ATP8A1: variants seen among roughly 807,000 people sequenced by gnomAD.
ATP8A1 encodes ATPase phospholipid transporting 8A1, also known as phospholipid-transporting ATPase IA.
A neutral mutation model predicts 177.7 loss-of-function variants in ATP8A1; 90 were observed. The observed-to-expected ratio is 0.51, with a 90% CI of 0.43 to 0.60. ATP8A1 has a LOEUF of 0.60. Among genes scored for constraint, ATP8A1 ranks in the 20% least tolerant of loss-of-function variants. The pLI is 0.00. For synonymous variants in ATP8A1, 493 were observed against 485.9 expected, an observed-to-expected ratio of 1.01 and a Z score of -0.19; for missense variants, 1,072 against 1,392.8, an observed-to-expected ratio of 0.77 and a Z score of 3.67.
intron 33 of ATP8A1, among the ~76,000 whole-genome samples, chr4:42,428,941 T>C (rs560780419): frequency 5.9e-5 from 9 of 152,304 alleles, no homozygotes; most frequent in African/African-American, 2.2e-4. Flanking sequence ...CTATCACCCA[T>C]TTTCTAGTTG....
rs1019800296 is a variant in ATP8A1, at chr4:42,656,950, T to C, written c.-77A>G. The C allele has an allele frequency of 8.0e-6, 11 of 1,372,592 alleles. No individual in the cohort carries two copies. The highest frequency in any genetic ancestry group is 1.5e-5 in the African/African-American group (1 of 67,082). The allele number at this position is 1,372,592 out of a possible 1,614,324, so 85.0% of individuals were successfully genotyped here. A position where few individuals can be genotyped will look rare whatever the true frequency, so the allele number is the denominator to read the frequency against. On this transcript the variant is annotated 5_prime_UTR_variant, in exon 1 of 37. Coordinates refer to ENST00000381668, the MANE Select transcript of ATP8A1 (RefSeq NM_006095.2). The stretch of plus-strand genomic sequence containing the variant: ...GCGTGGTACACGCGGGAGACCCGGC[T>C]GCGCCGCGCAGAGCGCTCAGCTGCA...
At chr4:42,543,151 C>A (rs1034510169) in intron 20 of ATP8A1, among the ~76,000 whole-genome samples, 1 of 151,946 alleles carries the variant, frequency 6.6e-6, no homozygotes, top group African/African-American at 2.4e-5. Context: ...GTCTTTAAAC[C>A]AAGGCATTTA....
At chr4:42,562,116 T>C (rs1730896449) in intron 15 of ATP8A1, 2 of 152,218 alleles carry the variant, frequency 1.3e-5, no homozygotes, top group Admixed American at 6.5e-5. Context: ...GCTGATGATA[T>C]CTCCTATTTG....
At position 42,423,674 on chromosome 4, in the gene ATP8A1, C is replaced by CA; in HGVS notation, c.3154dup (p.Trp1052LeufsTer15). 5 of 1,612,622 alleles carry CA rather than the reference C, an allele frequency of 3.1e-6. No homozygotes were observed. The highest frequency in any genetic ancestry group is 3.4e-6 in the Non-Finnish European group (4 of 1,179,438). On this transcript the variant is annotated frameshift_variant, in exon 34 of 37. Coordinates refer to ENST00000381668, the MANE Select transcript of ATP8A1 (RefSeq NM_006095.2). LOFTEE classifies it high-confidence loss of function. ...CACAGGGATGAATAACAAGCCCATC[C>CA]AAAAGACTCCAGAACTGAACAACAT...
intron 11 of ATP8A1, 133 bp from the exon 12 acceptor site, chr4:42,578,520 T>C: frequency 2.1e-6 from 2 of 955,552 alleles, no homozygotes; most frequent in Non-Finnish European, 3.1e-6. Flanking sequence ...TTGCTGATAA[T>C]CTATCCTAAT....
Position 42,412,833 on chromosome 4 carries a change from C to A in ATP8A1, c.*83G>T. The A allele has an allele frequency of 8.7e-7, 1 of 1,145,500 alleles. No homozygotes were observed. Among genetic ancestry groups the A allele is most frequent in the Non-Finnish European group, 1.3e-6 (1 of 771,008 alleles). The allele number at this position is 1,145,500 out of a possible 1,614,324, so 71.0% of individuals were successfully genotyped here. A position where few individuals can be genotyped will look rare whatever the true frequency, so the allele number is the denominator to read the frequency against. On this transcript the variant is annotated 3_prime_UTR_variant, in exon 37 of 37. Coordinates refer to ENST00000381668, the MANE Select transcript of ATP8A1 (RefSeq NM_006095.2). The stretch of plus-strand genomic sequence containing the variant: ...CTACCTTTCCTCTTCATGGACCAGA[C>A]TGGAATTGGTTAGCAGACTGCGGTG...
At chr4:42,517,670 A>C (rs73235593) in intron 22 of ATP8A1, among the ~76,000 whole-genome samples, 21,106 of 152,266 alleles carry the variant, frequency 0.14, 1,828 homozygotes, top group East Asian at 0.25. Flanking sequence ...TAGTAACAGC[A>C]AAAGAAAAAA....
rs114187459 is a variant in ATP8A1, at chr4:42,543,985, C to T, written c.1654G>A (p.Ala552Thr). 1.7e-5 allele frequency: 28 copies of T among 1,613,000 alleles called. No individual in the cohort carries two copies. Among genetic ancestry groups the T allele is most frequent in the Non-Finnish European group, 1.6e-5 (19 of 1,179,404 alleles). Residue 552 changes from alanine to threonine, a missense_variant and splice_region_variant, in exon 20 of 37, where the codon GCT becomes ACT. This residue lies in a region of ATP8A1 where 388 missense variants were observed against 471.7 expected (regional missense o/e 0.82). Coordinates refer to ENST00000381668, the MANE Select transcript of ATP8A1 (RefSeq NM_006095.2). Reference protein sequence around the residue: ...ELLNVLEFTSARKRMSVIVRT... With the variant: ...ELLNVLEFTSTRKRMSVIVRT... ...ACAATCACTGACATTCTTTTCCTAG[C>T]ACTGAAAGAAAGAGGTTTTGCATAA...
rs191030054 is a variant in ATP8A1, at chr4:42,601,117, C to G, written c.410-599G>C. 5.5e-3 allele frequency among the ~76,000 whole-genome samples: 774 copies of G among 141,098 alleles called. 11 individuals carry two copies. Among genetic ancestry groups the G allele is most frequent in the African/African-American group, 0.019 (719 of 37,960 alleles). 92.6% of individuals were successfully genotyped at this position (141,098 alleles called of 152,430 possible). A position where few individuals can be genotyped will look rare whatever the true frequency, so the allele number is the denominator to read the frequency against. ...ATGGCACAATCTTGGCTCACTGCAA[C>G]CTCCGCCTCCCAGGTTCAAGCCATT... On this transcript the variant is annotated intron_variant, in intron 5 of 36. Transcript: ENST00000381668.
chr4:42,528,196 TA>T, intron 20 of ATP8A1, among the ~76,000 whole-genome samples: 1 of 152,286 alleles, frequency 6.6e-6, no homozygotes, highest in Admixed American at 6.5e-5. Flanking sequence ...CCAGAATGCA[TA>T]ATTGGCATAG....
At chr4:42,475,008 C>T (rs1440560802) in intron 25 of ATP8A1, among the ~76,000 whole-genome samples, 2 of 152,130 alleles carry the variant, frequency 1.3e-5, no homozygotes, top group Non-Finnish European at 2.9e-5. Context: ...TGTTTATTTG[C>T]ACCCAACACA....
chr4:42,414,656 C>A lies in ATP8A1; in HGVS notation c.3368G>T (p.Arg1123Leu). 2 of 1,613,802 alleles carry A rather than the reference C, an allele frequency of 1.2e-6. No individual in the cohort carries two copies. Among genetic ancestry groups the A allele is most frequent in the Non-Finnish European group, 1.7e-6 (2 of 1,179,800 alleles). ...CAGATTTTGTTGCAAGGATTCAGAG[C>A]GGTACAAGTTCACGTGGTTCTTCTT... ...VFKKNHVNLY[R>L]SESLQQNLLH... Residue 1123 changes from arginine (R) to leucine (L), a missense_variant, in exon 36 of 37, where the codon CGC becomes CTC. Around this residue, in one of 5 missense-constraint regions of ATP8A1, gnomAD observed 316 missense variants for 459.1 expected, o/e 0.69. Coordinates refer to ENST00000381668, the MANE Select transcript of ATP8A1 (RefSeq NM_006095.2).
At chr4:42,428,535 G>C (rs1001789307) in intron 33 of ATP8A1, among the ~76,000 whole-genome samples, 3 of 152,182 alleles carry the variant, frequency 2.0e-5, no homozygotes, top group African/African-American at 7.2e-5. Context: ...GCTTATCCCA[G>C]TCCAAATAAT....
chr4:42,459,637 AAAG>A lies in ATP8A1; in HGVS notation c.2620-4041_2620-4039del, dbSNP rs534990447. Reference sequence around the variant, plus strand: ...AGAACTACACATTTATATAAACAACAAAGAATATTTTTTTGAATCTTATAAACT... The same window carrying A: ...AGAACTACACATTTATATAAACAACAAATATTTTTTTGAATCTTATAAACT... On this transcript the variant is annotated intron_variant, in intron 27 of 36. Coordinates refer to ENST00000381668, the MANE Select transcript of ATP8A1 (RefSeq NM_006095.2). 8.7e-5 allele frequency: 16 copies of A among 183,638 alleles called. No individual in the cohort carries two copies. The Admixed American group carries it at 9.1e-4, about 10-fold the overall frequency. 11.4% of individuals were successfully genotyped at this position (183,638 alleles called of 1,614,324 possible). A position where few individuals can be genotyped will look rare whatever the true frequency, so the allele number is the denominator to read the frequency against.
At chr4:42,512,894 T>C (rs1042723232) in intron 22 of ATP8A1, among the ~76,000 whole-genome samples, 6 of 152,200 alleles carry the variant, frequency 3.9e-5, no homozygotes, top group Non-Finnish European at 7.3e-5. Context: ...TAGCTTTCTC[T>C]GTAAAAGGAC....
At chr4:42,584,274 G>A (rs1294839456) in intron 9 of ATP8A1, among the ~76,000 whole-genome samples, 1 of 152,088 alleles carries the variant, frequency 6.6e-6, no homozygotes, top group African/African-American at 2.4e-5. Flanking sequence ...GAATGGAGGA[G>A]GAGAAAAGAG....
intron 30 of ATP8A1, among the ~76,000 whole-genome samples, chr4:42,447,306 C>T (rs571355059): frequency 2.5e-4 from 38 of 152,194 alleles, no homozygotes; most frequent in African/African-American, 6.5e-4. Context: ...CCTCAGCCTC[C>T]GGAGTAGCTG....
rs527446245 is a variant in ATP8A1, at chr4:42,482,674, C to G, written c.2324+2822G>C. ...GGCAAACACTAAAATCTGCCTCATT[C>G]TGCCCTGTATGCTGATAGTATCTGG... On this transcript the variant is annotated intron_variant, in intron 25 of 36. Transcript: ENST00000381668. Among the ~76,000 whole-genome samples the G allele has an allele frequency of 8.5e-5, 13 of 152,346 alleles. No individual in the cohort carries two copies. The East Asian group carries it at 1.4e-3, about 16-fold the overall frequency.
intron 5 of ATP8A1, among the ~76,000 whole-genome samples, chr4:42,612,235 T>C (rs1736440392): frequency 6.6e-6 from 1 of 151,994 alleles, no homozygotes; most frequent in Non-Finnish European, 1.5e-5. Context: ...GAAGGCTTCT[T>C]TTCATTTCCA....
Sources: gnomAD v4.1 joint callset for allele counts (sites outside exome capture counted in the v4.1 genomes callset) on GRCh38, gnomAD v4.1.1 for gene constraint, gnomAD v4.1.1 regional missense constraint, MANE v1.5 for transcripts, NCBI Gene and HGNC (gene_info 2026-07-23, HGNC 2026-07-21) for gene names.